MYO5A: variants seen among roughly 807,000 people sequenced by gnomAD.
MYO5A encodes the protein unconventional myosin-Va.
MYO5A carries 98 observed loss-of-function variants against 249.7 expected under a neutral mutation model. That is an observed-to-expected ratio of 0.39 (90% confidence interval 0.33 to 0.46). MYO5A has a LOEUF of 0.46. Among genes scored for constraint, MYO5A ranks in the 20% least tolerant of loss-of-function variants. MYO5A has a pLI of 0.98. For synonymous variants in MYO5A, 778 were observed against 810.6 expected (o/e 0.96, Z 0.68); for missense variants, 1,696 against 2,308.8 (o/e 0.73, Z 5.44).
Position 52,310,817 on chromosome 15 carries a change from C to G in MYO5A, c.*2879G>C, listed in dbSNP as rs1170690725. On this transcript the variant is annotated 3_prime_UTR_variant, in exon 42 of 42. Coordinates refer to ENST00000399233, the MANE Select transcript of MYO5A (RefSeq NM_001382347.1). Reference sequence around the variant, plus strand: ...GCAATCCTCAAACTGGCCCAAAGATCCCCATAGTCGGCAGAATCTTCTTGT... The same window carrying G: ...GCAATCCTCAAACTGGCCCAAAGATGCCCATAGTCGGCAGAATCTTCTTGT... 6.6e-6 allele frequency: 1 copy of G among 152,210 alleles called. No homozygotes were observed. Among genetic ancestry groups the G allele is most frequent in the East Asian group, 1.9e-4 (1 of 5,202 alleles). The allele number at this position is 152,210 out of a possible 1,614,324, so 9.4% of individuals were successfully genotyped here.
intron 18 of MYO5A, among the ~76,000 whole-genome samples, chr15:52,379,254 C>A (rs2041605693): frequency 6.6e-6 from 1 of 152,164 alleles, no homozygotes; most frequent in South Asian, 2.1e-4. Flanking sequence ...ATATTATACT[C>A]GTCTTTAAAA....
chr15:52,357,704 A>T (rs185881513), intron 25 of MYO5A, among the ~76,000 whole-genome samples: 2 of 152,304 alleles, frequency 1.3e-5, no homozygotes, highest in Admixed American at 1.3e-4. Context: ...AATTAAAGAG[A>T]TGCTATCAAA....
intron 1 of MYO5A, among the ~76,000 whole-genome samples, chr15:52,526,341 C>T (rs1005776079): frequency 2.6e-5 from 4 of 152,068 alleles, no homozygotes; most frequent in Admixed American, 2.0e-4. Flanking sequence ...GGACCGCAGG[C>T]GTGACTAACT....
In MYO5A at chr15:52,307,412, T is replaced by C. The variant is rs534471451; in HGVS notation, c.*6284A>G. On this transcript the variant is annotated 3_prime_UTR_variant, in exon 42 of 42. Coordinates refer to ENST00000399233, the MANE Select transcript of MYO5A (RefSeq NM_001382347.1). ...GAGCATAAATGTAATTCTGATATTG[T>C]TTTGGTTTTTATCTTAGCACTAGGT... 6.6e-6 allele frequency: 1 copy of C among 152,304 alleles called. No individual in the cohort carries two copies. The highest frequency in any genetic ancestry group is 6.5e-5 in the Admixed American group (1 of 15,306). The allele number at this position is 152,304 out of a possible 1,614,324, so 9.4% of individuals were successfully genotyped here.
intron 8 of MYO5A, among the ~76,000 whole-genome samples, chr15:52,405,819 T>G (rs927186178): frequency 6.6e-6 from 1 of 152,268 alleles, no homozygotes; most frequent in Non-Finnish European, 1.5e-5. Flanking sequence ...TTGTCATCAT[T>G]GTCACACACT....
chr15:52,468,869 T>C (rs1321001061), intron 1 of MYO5A, among the ~76,000 whole-genome samples: 1 of 152,200 alleles, frequency 6.6e-6, no homozygotes, highest in Non-Finnish European at 1.5e-5. Flanking sequence ...CAGGGATGCA[T>C]ACTGAAATAG....
intron 13 of MYO5A, among the ~76,000 whole-genome samples, chr15:52,388,950 C>T (rs1459238029): frequency 6.6e-6 from 1 of 151,434 alleles, no homozygotes; most frequent in Non-Finnish European, 1.5e-5. Flanking sequence ...TATAAATAAT[C>T]TCATGTTAAT....
chr15:52,504,000 C>T (rs548337331), intron 1 of MYO5A, among the ~76,000 whole-genome samples: 4 of 150,594 alleles, frequency 2.7e-5, no homozygotes, highest in South Asian at 2.1e-4. Flanking sequence ...GAGCTTTTAA[C>T]GCTTGCATGA....
chr15:52,460,861 C>A (rs2076235114), intron 1 of MYO5A, among the ~76,000 whole-genome samples: 1 of 151,924 alleles, frequency 6.6e-6, no homozygotes, highest in Non-Finnish European at 1.5e-5. Context: ...AAAATAATAT[C>A]ATAAAATATA....
intron 6 of MYO5A, 126 bp downstream of exon 6, chr15:52,410,207 G>A: frequency 3.5e-6 from 4 of 1,132,328 alleles, no homozygotes; most frequent in Non-Finnish European, 4.0e-6. Flanking sequence ...GTCCAAGTGT[G>A]GTTGGAGGTA....
chr15:52,405,349 C>T lies in MYO5A; in HGVS notation c.991G>A (p.Gly331Ser), dbSNP rs751783560. The stretch of plus-strand genomic sequence containing the variant: ...CCAACATTGCCTAAGTGAAGGATGC[C>T]AGCAAGTATTCGGAAAATTCCCATT... ...HQMGIFRILA[G>S]ILHLGNVGFT... The change falls in exon 9 of 42, where the codon GGC becomes AGC. Residue 331 changes from glycine to serine, a missense_variant. This residue lies in a region of MYO5A where 185 missense variants were observed against 204.8 expected (regional missense o/e 0.90). Coordinates refer to ENST00000399233, the MANE Select transcript of MYO5A (RefSeq NM_001382347.1). 6 of 1,613,736 alleles carry T rather than the reference C, an allele frequency of 3.7e-6. No homozygotes were observed. In the African/African-American group the frequency reaches 8.0e-5, roughly 22 times the overall value.
chr15:52,482,397 G>A (rs2076733050), intron 1 of MYO5A, among the ~76,000 whole-genome samples: 1 of 152,166 alleles, frequency 6.6e-6, no homozygotes, highest in African/African-American at 2.4e-5. Flanking sequence ...GAGGGAAGAG[G>A]ATAGCCAGAG....
At chr15:52,369,093 C>T (rs965353782) in intron 22 of MYO5A, among the ~76,000 whole-genome samples, 3 of 152,164 alleles carry the variant, frequency 2.0e-5, no homozygotes, top group Non-Finnish European at 4.4e-5. Context: ...ACTGCTGTTT[C>T]TATATATAGA....
At chr15:52,333,868 C>T (rs2038997588) in intron 34 of MYO5A, among the ~76,000 whole-genome samples, 1 of 152,180 alleles carries the variant, frequency 6.6e-6, no homozygotes, top group African/African-American at 2.4e-5. Flanking sequence ...TTCTGTGTAA[C>T]AGGCAGATAC....
intron 1 of MYO5A, among the ~76,000 whole-genome samples, chr15:52,462,489 C>A (rs1303053593): frequency 1.3e-5 from 2 of 151,730 alleles, no homozygotes; most frequent in Non-Finnish European, 2.9e-5. Flanking sequence ...CAGCTGCTGG[C>A]CATGCTTGCA....
chr15:52,339,665 G>A (rs2039289595), intron 32 of MYO5A, among the ~76,000 whole-genome samples: 1 of 152,178 alleles, frequency 6.6e-6, no homozygotes, highest in Non-Finnish European at 1.5e-5. Context: ...ATGTAAACCT[G>A]AATCCTAACA....
intron 1 of MYO5A, among the ~76,000 whole-genome samples, chr15:52,449,126 G>A (rs112402565): frequency 3.3e-5 from 5 of 151,582 alleles, no homozygotes; most frequent in African/African-American, 4.8e-5. Flanking sequence ...GTGCCACCAC[G>A]CCTGGCTAAT....
chr15:52,418,455 C>T (rs574208233), intron 4 of MYO5A, among the ~76,000 whole-genome samples: 57 of 152,164 alleles, frequency 3.7e-4, no homozygotes, highest in African/African-American at 1.3e-3. Flanking sequence ...AATTAAAATG[C>T]AGTTGGAAGT....
Position 52,316,229 on chromosome 15 carries a change from G to A in MYO5A, c.5409+819C>T, listed in dbSNP as rs762166239. Among the ~76,000 whole-genome samples, 36 of 69,738 alleles carry A rather than the reference G, an allele frequency of 5.2e-4. 1 individual carries two copies. The highest frequency in any genetic ancestry group is 2.1e-3 in the African/African-American group (34 of 15,908). The allele number at this position is 69,738 out of a possible 152,430, so 45.8% of individuals were successfully genotyped here. On this transcript the variant is annotated intron_variant, in intron 40 of 41. Transcript: ENST00000399233. ...AACCTGGGCGACACAGCGAGACTCC[G>A]TCACAAAAAAAAAAAAAAAAAAAAA...
Sources: gnomAD v4.1 joint callset for allele counts (sites outside exome capture counted in the v4.1 genomes callset) on GRCh38, gnomAD v4.1.1 for gene constraint, gnomAD v4.1.1 regional missense constraint, MANE v1.5 for transcripts, NCBI Gene and HGNC (gene_info 2026-07-23, HGNC 2026-07-21) for gene names.